The following NEK1 variants were observed in gnomAD, a reference collection of about 807,000 sequenced individuals.
NEK1 encodes the protein serine/threonine-protein kinase Nek1.
Under a neutral mutation model 182.1 loss-of-function variants are expected in NEK1, and 137 were observed. The ratio of observed to expected loss-of-function variants is 0.75; its 90% confidence interval spans 0.65 to 0.87. The LOEUF (loss-of-function observed/expected upper bound fraction) is 0.87. NEK1 is among the 40% of genes least tolerant of loss of function. The pLI is 0.00. For synonymous variants in NEK1, 513 were observed against 492.2 expected, an observed-to-expected ratio of 1.04 and a Z score of -0.56; for missense variants, 1,391 against 1,494.4, an observed-to-expected ratio of 0.93 and a Z score of 1.14.
chr4:169,437,717 C>T (rs377060921), intron 28 of NEK1, among the ~76,000 whole-genome samples: 1 of 152,296 alleles, frequency 6.6e-6, no homozygotes, highest in Non-Finnish European at 1.5e-5. Flanking sequence ...CTAAGCTGTA[C>T]TTGCCAAGAT....
intron 27 of NEK1, among the ~76,000 whole-genome samples, chr4:169,461,030 T>C (rs896705125): frequency 1.3e-5 from 2 of 152,200 alleles, no homozygotes; most frequent in East Asian, 3.8e-4. Context: ...AAGGATCTTT[T>C]ATGTTTCTCA....
chr4:169,435,317 T>C (rs1738198376), intron 28 of NEK1, among the ~76,000 whole-genome samples: 1 of 152,166 alleles, frequency 6.6e-6, no homozygotes, highest in South Asian at 2.1e-4. Context: ...CATAACCTAA[T>C]TACTTTGCAA....
At chr4:169,541,739 CTTCGGTATTAACTAGTCCAAGTT>C (rs1266624994) in intron 18 of NEK1, among the ~76,000 whole-genome samples, 3 of 152,102 alleles carry the variant, frequency 2.0e-5, no homozygotes, top group Non-Finnish European at 1.5e-5. Context: ...TGGAAGCAAC[CTTCGGTATTAACTAGTCCAAGTT>C]TTCATTGAAT....
In NEK1 at chr4:169,499,041, C is replaced by T. The variant is rs55996443; in HGVS notation, c.2007+7996G>A. On this transcript the variant is annotated intron_variant, in intron 23 of 35. Transcript: ENST00000507142. ...ATTCTCCCCATCACTTTCAGGTACA[C>T]CAATCAGACGTAGATTTGGTCTTTT... Among the ~76,000 whole-genome samples the T allele has an allele frequency of 2.0e-3, 307 of 152,324 alleles. 2 individuals are homozygous for T. The Middle Eastern group carries it at 0.027, about 14-fold the overall frequency.
rs574331883 is a variant in NEK1 at position 169,414,718 on chromosome 4, C to A, written c.3223-7971G>T. Among the ~76,000 whole-genome samples the A allele has an allele frequency of 4.6e-5, 7 of 152,194 alleles. No homozygotes were observed. The East Asian group carries it at 7.7e-4, about 17-fold the overall frequency. On this transcript the variant is annotated intron_variant, in intron 31 of 35. Transcript: ENST00000507142. ...GACCTCTGCTCCAGATATATTAAAA[C>A]AAATACCTTTAGCTGTGAGGTGTAA...
At chr4:169,524,730 G>A (rs1756639955) in intron 19 of NEK1, among the ~76,000 whole-genome samples, 2 of 152,146 alleles carry the variant, frequency 1.3e-5, no homozygotes, top group Non-Finnish European at 2.9e-5. Context: ...ACTTGTTTTT[G>A]TATGGTCCAA....
In NEK1 at chr4:169,477,152, T is replaced by G. The variant is rs764761353; in HGVS notation, c.2406A>C (p.Thr802=). The G allele has an allele frequency of 1.9e-6, 3 of 1,604,800 alleles. No homozygotes were observed. The highest frequency in any genetic ancestry group is 2.6e-6 in the Non-Finnish European group (3 of 1,174,860). Residue 802 remains threonine, a synonymous_variant, in exon 26 of 36, where the codon ACA becomes ACC. Coordinates refer to ENST00000507142, the MANE Select transcript of NEK1 (RefSeq NM_001199397.3). The part of the protein sequence containing the change: ...GQLVIPLDEL[T]LDTSFSTTER... ...CAGTTGTAGAGAAGGATGTATCTAG[T>G]GTTAACTCATCCAGAGGAATCACAA... is the stretch of plus-strand genomic sequence containing the variant.
chr4:169,395,228 A>C (rs1414600710), intron 35 of NEK1, among the ~76,000 whole-genome samples: 2 of 152,192 alleles, frequency 1.3e-5, no homozygotes, highest in African/African-American at 4.8e-5. Context: ...TCCAAGGGTC[A>C]TGTCAAATCA....
chr4:169,534,475 G>A (rs568976802), intron 19 of NEK1, among the ~76,000 whole-genome samples: 6 of 152,134 alleles, frequency 3.9e-5, no homozygotes, highest in African/African-American at 9.7e-5. Context: ...AGAGCTGCAC[G>A]GGGGAAGGGT....
At chr4:169,494,205 C>T (rs1041715701) in intron 23 of NEK1, among the ~76,000 whole-genome samples, 3 of 151,774 alleles carry the variant, frequency 2.0e-5, no homozygotes, top group African/African-American at 2.4e-5. Context: ...CCCATTAACT[C>T]GTCATTTACC....
intron 31 of NEK1, 99 bp downstream of exon 31, chr4:169,424,454 G>T: frequency 7.4e-7 from 1 of 1,345,556 alleles, no homozygotes; most frequent in Non-Finnish European, 9.8e-7. Flanking sequence ...GTTTGTGTCT[G>T]TGTTAAGAGA....
chr4:169,609,060 C>CAA (rs540854284), intron 2 of NEK1, among the ~76,000 whole-genome samples: 1,218 of 82,506 alleles, frequency 0.015, 15 homozygotes, highest in African/African-American at 0.037. Context: ...GACTCCTTCT[C>CAA]AAAAAAAAAA....
At chr4:169,533,663 G>C (rs937772121) in intron 19 of NEK1, among the ~76,000 whole-genome samples, 1 of 152,198 alleles carries the variant, frequency 6.6e-6, no homozygotes, top group African/African-American at 2.4e-5. Context: ...TGGCAGAGTA[G>C]ACAAAACCAA....
At chr4:169,597,428 A>G (rs1769699133) in intron 5 of NEK1, among the ~76,000 whole-genome samples, 1 of 152,130 alleles carries the variant, frequency 6.6e-6, no homozygotes, top group Non-Finnish European at 1.5e-5. Flanking sequence ...AGCCTGGGCA[A>G]TATAGCAAGA....
chr4:169,601,725 A>T (rs945228935), intron 4 of NEK1, among the ~76,000 whole-genome samples: 3 of 152,156 alleles, frequency 2.0e-5, no homozygotes, highest in Admixed American at 2.0e-4. Flanking sequence ...ATACAGGCAC[A>T]GTTGGGAGGC....
At chr4:169,508,463 T>A in intron 20 of NEK1, 132 bp from the exon 21 acceptor site, 2 of 653,486 alleles carry the variant, frequency 3.1e-6, no homozygotes, top group Non-Finnish European at 4.8e-6. Context: ...GAAATCCGGT[T>A]AATGGAAATG....
At position 169,507,890 on chromosome 4, in the gene NEK1, A is replaced by T. The variant is rs373953075; in HGVS notation, c.1834-98T>A. On this transcript the variant is annotated intron_variant, in intron 21 of 35. Transcript: ENST00000507142. Reference sequence around the variant, plus strand: ...AACAATGAATAAACTAAAATCTAAAAATATAAAATGGAAATCATTTAATGC... The same window carrying T: ...AACAATGAATAAACTAAAATCTAAATATATAAAATGGAAATCATTTAATGC... 3.4e-3 allele frequency: 3,126 copies of T among 923,014 alleles called. 13 individuals carry two copies. The highest frequency in any genetic ancestry group is 4.6e-3 in the South Asian group (299 of 64,366). 57.2% of individuals were successfully genotyped at this position (923,014 alleles called of 1,614,324 possible).
chr4:169,469,331 T>C (rs146697200), intron 26 of NEK1, among the ~76,000 whole-genome samples: 125 of 152,328 alleles, frequency 8.2e-4, no homozygotes, highest in Middle Eastern at 3.4e-3. Context: ...TTTATTCTCA[T>C]TGGTTTCAAA....
At chr4:169,587,446 G>T in intron 9 of NEK1, 113 bp downstream of exon 9, 2 of 597,516 alleles carry the variant, frequency 3.3e-6, no homozygotes, top group South Asian at 2.7e-5. Context: ...GGACTTAGAG[G>T]AGAATTTCTA....
Sources: gnomAD v4.1 joint callset for allele counts (sites outside exome capture counted in the v4.1 genomes callset) on GRCh38, gnomAD v4.1.1 for gene constraint, MANE v1.5 for transcripts, NCBI Gene and HGNC (gene_info 2026-07-23, HGNC 2026-07-21) for gene names.